Variants in PCDHGB2 observed in about 807,000 individuals in gnomAD.
The protein encoded by PCDHGB2 is protocadherin gamma subfamily B, 2.
In PCDHGB2, 55 loss-of-function variants were observed where a neutral mutation model predicts 59.3. The ratio of observed to expected loss-of-function variants is 0.93; its 90% CI spans 0.75 to 1.16. The LOEUF (loss-of-function observed/expected upper bound fraction) is 1.16, where lower values mean the gene tolerates loss of function less well. Among genes scored for constraint, PCDHGB2 ranks in the 50% most tolerant of loss-of-function variants. The pLI is 0.00. For missense variants in PCDHGB2, 1,228 were observed against 1,198.5 expected, an observed-to-expected ratio of 1.02 and a Z score of -0.36; for synonymous variants, 516 against 512.0, an observed-to-expected ratio of 1.01 and a Z score of -0.11.
chr5:141,410,341 G>A (rs759674499), intron 1 of PCDHGB2: 1 of 1,613,992 alleles, frequency 6.2e-7, no homozygotes, highest in Non-Finnish European at 8.5e-7. Context: ...CCATTGCCTT[G>A]CGCCTGCGAC....
chr5:141,403,049 T>C (rs368917303), intron 1 of PCDHGB2: 2 of 1,613,938 alleles, frequency 1.2e-6, no homozygotes, highest in Non-Finnish European at 1.7e-6. Flanking sequence ...TCAGATTCGC[T>C]ACTCAGTGCC....
chr5:141,497,031 A>G (rs898409925), intron 2 of PCDHGB2, among the ~76,000 whole-genome samples: 14 of 152,184 alleles, frequency 9.2e-5, no homozygotes, highest in African/African-American at 3.4e-4. Context: ...TCGATTAAAA[A>G]TACAAAAATT....
chr5:141,362,171 G>C lies in PCDHGB2; in HGVS notation c.2036G>C (p.Arg679Pro), dbSNP rs62378417. 152,882 of 1,613,796 alleles carry C rather than the reference G, an allele frequency of 0.095. 8,932 individuals are homozygous for C. The highest frequency in any genetic ancestry group is 0.29 in the African/African-American group (21,432 of 74,954). Residue 679 changes from arginine to proline, a missense_variant, in exon 1 of 4, where the codon CGG (arginine) becomes CCG (proline). This residue lies in a region of PCDHGB2 where 433 missense variants were observed against 441.8 expected (regional missense o/e 0.98). Coordinates refer to ENST00000522605, the MANE Select transcript of PCDHGB2 (RefSeq NM_018923.3). ...QEVLPDLSDRREPSDPQAKLQ... is the reference protein window; with the variant it reads ...QEVLPDLSDRPEPSDPQAKLQ... ...GTATTGCCAGACCTCAGCGACCGCC[G>C]GGAGCCCTCTGACCCCCAGGCAAAA... is the stretch of plus-strand genomic sequence containing the variant.
chr5:141,383,562 C>T (rs1371686723), intron 1 of PCDHGB2: 2 of 1,613,098 alleles, frequency 1.2e-6, no homozygotes, highest in Non-Finnish European at 1.7e-6. Context: ...GCGACCCGCC[C>T]CGATCCAGCA....
chr5:141,414,134 A>G, intron 1 of PCDHGB2: 1 of 1,595,028 alleles, frequency 6.3e-7, no homozygotes, highest in Non-Finnish European at 8.5e-7. Flanking sequence ...GGTTTCTATG[A>G]AATAGAAATA....
chr5:141,421,791 T>TG, intron 1 of PCDHGB2: 1 of 1,613,792 alleles, frequency 6.2e-7, no homozygotes, highest in Non-Finnish European at 8.5e-7. Flanking sequence ...GCAGAACGGA[T>TG]GGGGCCAAGA....
chr5:141,508,062 C>T (rs910730855), intron 3 of PCDHGB2: 2 of 152,316 alleles, frequency 1.3e-5, no homozygotes, highest in African/African-American at 4.8e-5. Flanking sequence ...TAATCAGCCT[C>T]CTTGGGCTAC....
intron 1 of PCDHGB2, chr5:141,409,866 G>A (rs1268327848): frequency 3.7e-6 from 6 of 1,612,258 alleles, no homozygotes; most frequent in East Asian, 4.5e-5. Context: ...GTGGGAGACC[G>A]CAATGACAAC....
Position 141,487,397 on chromosome 5 carries a change from G to A in PCDHGB2, c.2422-7410G>A. 1 of 1,614,062 alleles carries A rather than the reference G, an allele frequency of 6.2e-7. No homozygotes were observed. Among genetic ancestry groups the A allele is most frequent in the Middle Eastern group, 1.6e-4 (1 of 6,062 alleles). Reference sequence around the variant, plus strand: ...TCTCACCAGATCTCGAAGGAGGGAGGGGCTTCCCCCTTCCAATGGGATCCT... The same window carrying A: ...TCTCACCAGATCTCGAAGGAGGGAGAGGCTTCCCCCTTCCAATGGGATCCT... On this transcript the variant is annotated intron_variant, in intron 1 of 3. Coordinates refer to ENST00000522605, the MANE Select transcript of PCDHGB2 (RefSeq NM_018923.3). This position sits in a 1 kb window ranked among gnomAD's most constrained non-coding sequence, Gnocchi z 5.0.
chr5:141,365,294 C>G, intron 1 of PCDHGB2: 1 of 1,613,974 alleles, frequency 6.2e-7, no homozygotes, highest in Non-Finnish European at 8.5e-7. Context: ...AGTGGTAGCT[C>G]AGGATGGAGG....
rs2099670287 is a variant in PCDHGB2, at chr5:141,487,983, TC to T, written c.2422-6822del. Among the ~76,000 whole-genome samples, 3 of 152,290 alleles carry T rather than the reference TC, an allele frequency of 2.0e-5. No individual in the cohort carries two copies. The South Asian group carries it at 6.2e-4, about 32-fold the overall frequency. ...CAAAGGTGGCTGTTTTCTCTACTCT[TC>T]CTGAAAGAGGGGATCAGATTCTGAA... On this transcript the variant is annotated intron_variant, in intron 1 of 3. Coordinates refer to ENST00000522605, the MANE Select transcript of PCDHGB2 (RefSeq NM_018923.3). This position sits in a 1 kb window ranked among gnomAD's most constrained non-coding sequence, Gnocchi z 5.0.
At chr5:141,478,567 C>A in intron 1 of PCDHGB2, 1 of 1,593,812 alleles carries the variant, frequency 6.3e-7, no homozygotes, top group Non-Finnish European at 8.6e-7. Flanking sequence ...GCAAGTCATG[C>A]TTGACCCTGT....
intron 1 of PCDHGB2, chr5:141,384,634 C>T: frequency 6.2e-7 from 1 of 1,614,208 alleles, no homozygotes; most frequent in Non-Finnish European, 8.5e-7. Flanking sequence ...GGAGCTGGCA[C>T]CCCGCTCCGC....
intron 1 of PCDHGB2, among the ~76,000 whole-genome samples, chr5:141,466,080 C>A (rs1186062704): frequency 6.6e-6 from 1 of 152,108 alleles, no homozygotes; most frequent in East Asian, 1.9e-4. Flanking sequence ...TGATATCATG[C>A]CACTGCACTC....
chr5:141,505,436 T>C lies in PCDHGB2; in HGVS notation c.2524T>C (p.Phe842Leu). 1.2e-6 allele frequency: 2 copies of C among 1,614,118 alleles called. No homozygotes were observed. The highest frequency in any genetic ancestry group is 1.7e-6 in the Non-Finnish European group (2 of 1,179,998). ...DDTGTWPNNQ[F>L]DTEMLQAMIL... is the part of the protein sequence containing the mutation. ...CACCGGCACCTGGCCCAACAACCAG[T>C]TTGACACAGAGATGCTGCAAGCCAT... Residue 842 changes from phenylalanine (F) to leucine (L), a missense_variant, in exon 3 of 4, where the codon TTT becomes CTT. Phe to Leu is a conservative substitution (Grantham distance 22). Around this residue, in one of 3 missense-constraint regions of PCDHGB2, gnomAD observed 433 missense variants for 441.8 expected, o/e 0.98. Coordinates refer to ENST00000522605, the MANE Select transcript of PCDHGB2 (RefSeq NM_018923.3).
intron 1 of PCDHGB2, chr5:141,398,937 C>T (rs2093727338): frequency 1.9e-6 from 3 of 1,613,902 alleles, no homozygotes; most frequent in Non-Finnish European, 2.5e-6. Flanking sequence ...CTGACCAAGA[C>T]GAGGGCATCA....
Position 141,510,866 on chromosome 5 carries a change from C to G in PCDHGB2, c.2570-81C>G. 1.9e-6 allele frequency: 3 copies of G among 1,607,908 alleles called. No homozygotes were observed. The East Asian group carries it at 6.7e-5, about 36-fold the overall frequency. ...AGGCCCAGGGTGCTGTATAGGCATT[C>G]ATTAACTGCTGGGGATATAAGACAG... On this transcript the variant is annotated intron_variant, in intron 3 of 3. Coordinates refer to ENST00000522605, the MANE Select transcript of PCDHGB2 (RefSeq NM_018923.3).
Position 141,411,472 on chromosome 5 carries a change from T to G in PCDHGB2, c.2421+48916T>G, listed in dbSNP as rs546914871. ...GGTAGCATTCCCCTGTGGTCCCAGC[T>G]ACTTGGGAGGCTGAGCTGGGTGGAT... On this transcript the variant is annotated intron_variant, in intron 1 of 3. Coordinates refer to ENST00000522605, the MANE Select transcript of PCDHGB2 (RefSeq NM_018923.3). 2.6e-5 allele frequency: 4 copies of G among 151,948 alleles called. 1 individual carries two copies. The South Asian group carries it at 8.3e-4, about 32-fold the overall frequency. The allele number at this position is 151,948 out of a possible 1,614,324, so 9.4% of individuals were successfully genotyped here.
rs745788999 is a variant in PCDHGB2 at position 141,360,809 on chromosome 5, C to T, written c.674C>T (p.Thr225Met). The part of the protein sequence containing the change: ...VDGGDPPQSG[T>M]TQIRIKVTDA... ...GGCGGAGACCCACCTCAAAGTGGCA[C>T]GACCCAAATCCGAATCAAAGTCACG... The change falls in exon 1 of 4, where the codon ACG becomes ATG. Residue 225 changes from threonine to methionine, a missense_variant. Thr to Met is a moderately conservative substitution (Grantham distance 81, BLOSUM62 -1). Around this residue, in one of 3 missense-constraint regions of PCDHGB2, gnomAD observed 781 missense variants for 721.6 expected, o/e 1.08. Transcript: ENST00000522605. The T allele has an allele frequency of 4.3e-6, 7 of 1,613,800 alleles. No homozygotes were observed. The highest frequency in any genetic ancestry group is 2.7e-5 in the African/African-American group (2 of 74,924).
Sources: allele counts gnomAD v4.1 joint callset (sites outside exome capture counted in the v4.1 genomes callset), GRCh38; gene constraint gnomAD v4.1.1; regional missense constraint gnomAD v4.1.1; non-coding constraint Gnocchi (gnomAD v3.1); transcripts MANE v1.5; gene names NCBI Gene and HGNC (gene_info 2026-07-23, HGNC 2026-07-21).